Variants in DLEU7 observed in about 807,000 individuals in gnomAD.
DLEU7 encodes the protein deleted in lymphocytic leukemia 7.
DLEU7 carries 17 observed loss-of-function variants against 16.0 expected under a neutral mutation model. The observed-to-expected ratio is 1.06, with a 90% CI of 0.73 to 1.59. DLEU7 has a LOEUF of 1.59. Ranked by LOEUF, DLEU7 falls within the 40% of genes most tolerant of loss-of-function variation. The pLI, the probability that DLEU7 is intolerant of heterozygous loss-of-function variation, is 0.00. For synonymous variants in DLEU7, 113 were observed against 139.8 expected, an observed-to-expected ratio of 0.81 and a Z score of 1.35; for missense variants, 308 against 314.9, an observed-to-expected ratio of 0.98 and a Z score of 0.17.
chr13:50,816,859 C>T (rs1325499091), intron 1 of DLEU7, among the ~76,000 whole-genome samples: 1 of 152,056 alleles, frequency 6.6e-6, no homozygotes, highest in African/African-American at 2.4e-5. Flanking sequence ...TAGTGTACCT[C>T]TTCCCCTCTC....
intron 1 of DLEU7, among the ~76,000 whole-genome samples, chr13:50,803,013 T>C (rs1876291618): frequency 6.6e-6 from 1 of 152,178 alleles, no homozygotes; most frequent in Non-Finnish European, 1.5e-5. Context: ...CTGTTCCCTA[T>C]TGATAACGTT....
At chr13:50,823,891 C>T (rs1877000671) in intron 1 of DLEU7, among the ~76,000 whole-genome samples, 1 of 152,234 alleles carries the variant, frequency 6.6e-6, no homozygotes, top group South Asian at 2.1e-4. Context: ...GCAGCCAACA[C>T]AGAAGAAAGG....
chr13:50,752,971 C>T (rs1015452984), intron 1 of DLEU7, among the ~76,000 whole-genome samples: 29 of 152,262 alleles, frequency 1.9e-4, no homozygotes, highest in Non-Finnish European at 3.7e-4. Context: ...GGTGCCTTTA[C>T]AATCCCTGAG....
At chr13:50,802,774 T>C (rs1876285636) in intron 1 of DLEU7, among the ~76,000 whole-genome samples, 1 of 152,162 alleles carries the variant, frequency 6.6e-6, no homozygotes, top group Non-Finnish European at 1.5e-5. Context: ...ACTAATTATA[T>C]ATGGATATTT....
chr13:50,713,302 C>T (rs767679094), intron 1 of DLEU7: 72 of 1,560,632 alleles, frequency 4.6e-5, no homozygotes, highest in Non-Finnish European at 5.7e-5. Context: ...TTCATTGATT[C>T]AACAATTATT....
chr13:50,815,508 G>A (rs1876706519), intron 1 of DLEU7, among the ~76,000 whole-genome samples: 1 of 152,038 alleles, frequency 6.6e-6, no homozygotes, highest in South Asian at 2.1e-4. Context: ...TTTTTCAATT[G>A]TTTCTATACT....
At chr13:50,753,065 G>A (rs1874626354) in intron 1 of DLEU7, among the ~76,000 whole-genome samples, 1 of 152,144 alleles carries the variant, frequency 6.6e-6, no homozygotes, top group African/African-American at 2.4e-5. Flanking sequence ...CCCCACCACA[G>A]TACCTAGATA....
intron 1 of DLEU7, among the ~76,000 whole-genome samples, chr13:50,720,531 C>CTAA (rs1384663251): frequency 1.3e-5 from 2 of 152,194 alleles, no homozygotes; most frequent in Non-Finnish European, 2.9e-5. Flanking sequence ...CCATCCCAGA[C>CTAA]TATTAGACAG....
rs76126195 is a variant in DLEU7, at chr13:50,826,901, A to G, written c.460-3381T>C. On this transcript the variant is annotated intron_variant, in intron 1 of 1. Coordinates refer to ENST00000504404, the MANE Select transcript of DLEU7 (RefSeq NM_001306135.2). ...ACTGTCAACCTAGAATTTTTTTTTT[A>G]TTCCTACCAAACTATCATTTAAAAC... is the stretch of plus-strand genomic sequence containing the variant. 2.3e-4 allele frequency among the ~76,000 whole-genome samples: 35 copies of G among 151,972 alleles called. No homozygotes were observed. The East Asian group carries it at 6.8e-3, about 29-fold the overall frequency.
intron 1 of DLEU7, among the ~76,000 whole-genome samples, chr13:50,769,479 G>T (rs1875228742): frequency 6.6e-6 from 1 of 152,128 alleles, no homozygotes; most frequent in Non-Finnish European, 1.5e-5. Context: ...GTATAAGGAA[G>T]GGATCCAATT....
At chr13:50,798,941 T>G (rs1360531360) in intron 1 of DLEU7, among the ~76,000 whole-genome samples, 1 of 152,210 alleles carries the variant, frequency 6.6e-6, no homozygotes, top group East Asian at 1.9e-4. Flanking sequence ...GGCTTCTTGC[T>G]TCTCCTCCAA....
intron 1 of DLEU7, among the ~76,000 whole-genome samples, chr13:50,752,564 G>C (rs1488307077): frequency 5.3e-5 from 8 of 152,074 alleles, no homozygotes; most frequent in Non-Finnish European, 1.0e-4. Flanking sequence ...CTGATGTTCG[G>C]ATGTGTTCAG....
At position 50,726,655 on chromosome 13, in the gene DLEU7, C is replaced by T. The variant is rs1326888887; in HGVS notation, c.460-13415G>A. Among the ~76,000 whole-genome samples, 2 of 152,064 alleles carry T rather than the reference C, an allele frequency of 1.3e-5. No homozygotes were observed. Among genetic ancestry groups the T allele is most frequent in the African/African-American group, 2.4e-5 (1 of 41,400 alleles). ...TGGGAGGTCTTTTCATGTGTGTCATCGTTCTAAGAGCCCACTGGCTATGCC... is the reference window on the plus strand; with the variant it reads ...TGGGAGGTCTTTTCATGTGTGTCATTGTTCTAAGAGCCCACTGGCTATGCC... On this transcript the variant is annotated intron_variant, in intron 1 of 1. Coordinates refer to the DLEU7 transcript ENST00000400393. This position sits in a 1 kb window ranked among gnomAD's most constrained non-coding sequence, Gnocchi z 4.0.
chr13:50,757,694 G>T (rs537782231), intron 1 of DLEU7, among the ~76,000 whole-genome samples: 7 of 152,338 alleles, frequency 4.6e-5, no homozygotes, highest in Admixed American at 4.6e-4. Flanking sequence ...ATGGGTAGGG[G>T]ATAGAATATG....
chr13:50,795,400 G>GT (rs1483634643), intron 1 of DLEU7, among the ~76,000 whole-genome samples: 1 of 152,194 alleles, frequency 6.6e-6, no homozygotes, highest in East Asian at 1.9e-4. Context: ...AACAAATGCA[G>GT]TTGATGATAA....
At chr13:50,736,765 G>A (rs1372469874) in intron 1 of DLEU7, among the ~76,000 whole-genome samples, 1 of 151,930 alleles carries the variant, frequency 6.6e-6, no homozygotes, top group East Asian at 1.9e-4. Context: ...TAAGCACTCA[G>A]TTGGAGAGAA....
intron 1 of DLEU7, among the ~76,000 whole-genome samples, chr13:50,790,497 G>C (rs911158315): frequency 6.6e-6 from 1 of 151,958 alleles, no homozygotes; most frequent in East Asian, 1.9e-4. Flanking sequence ...GCTTTTTCAT[G>C]TTATCTTTGA....
chr13:50,824,569 AAGTT>A (rs761434501), intron 1 of DLEU7, among the ~76,000 whole-genome samples: 23 of 152,270 alleles, frequency 1.5e-4, no homozygotes, highest in African/African-American at 3.6e-4. Context: ...GAAGAAATGA[AAGTT>A]AGTCTCTCTT....
chr13:50,820,728 A>G (rs1359239640), downstream of DLEU7, among the ~76,000 whole-genome samples: 3 of 152,152 alleles, frequency 2.0e-5, no homozygotes, highest in African/African-American at 7.2e-5. Flanking sequence ...ATTTTCCAGA[A>G]CAGCGCTATC....
Sources: gnomAD v4.1 joint callset for allele counts (sites outside exome capture counted in the v4.1 genomes callset) on GRCh38, gnomAD v4.1.1 for gene constraint, Gnocchi (gnomAD v3.1) non-coding constraint, MANE v1.5 for transcripts, NCBI Gene and HGNC (gene_info 2026-07-23, HGNC 2026-07-21) for gene names.